The following IRAG2 variants were observed in gnomAD, a reference collection of about 807,000 sequenced individuals.
IRAG2 encodes inositol 1,4,5-triphosphate receptor associated 2, also known as lymphoid restricted membrane protein.
In IRAG2, 45 loss-of-function variants were observed where a neutral mutation model predicts 69.9. The observed-to-expected ratio is 0.64, with a 90% CI of 0.51 to 0.83. IRAG2 has a LOEUF of 0.83. Ranked by LOEUF, IRAG2 falls within the 40% of genes least tolerant of loss-of-function variation. The pLI, the probability that IRAG2 is intolerant of heterozygous loss-of-function variation, is 0.00. For synonymous variants in IRAG2, 193 were observed against 202.4 expected, an observed-to-expected ratio of 0.95 and a Z score of 0.40; for missense variants, 520 against 587.0, an observed-to-expected ratio of 0.89 and a Z score of 1.18.
chr12:25,096,038 AG>A (rs1355747110), intron 14 of IRAG2, among the ~76,000 whole-genome samples: 1 of 152,240 alleles, frequency 6.6e-6, no homozygotes, highest in African/African-American at 2.4e-5. Flanking sequence ...TCCTTCATTG[AG>A]CACCAAATGT....
At chr12:25,077,011 AATCG>A (rs2140076997) in intron 6 of IRAG2, among the ~76,000 whole-genome samples, 1 of 150,742 alleles carries the variant, frequency 6.6e-6, no homozygotes, top group East Asian at 2.0e-4. Flanking sequence ...AAGTAGCTGC[AATCG>A]CAGGTGTACA....
intron 12 of IRAG2, among the ~76,000 whole-genome samples, chr12:25,033,464 C>T (rs942590395): frequency 4.6e-5 from 7 of 152,270 alleles, no homozygotes; most frequent in Admixed American, 3.3e-4. Context: ...AGTGCATTAC[C>T]GATATAAAGG....
upstream of IRAG2, among the ~76,000 whole-genome samples, chr12:24,999,925 C>A (rs699034): frequency 0.012 from 1,781 of 152,170 alleles, 39 homozygotes; most frequent in African/African-American, 0.041. Context: ...GGCATACTTA[C>A]ACTAAAAAAT....
chr12:24,999,818 T>TA (rs11403723), upstream of IRAG2, among the ~76,000 whole-genome samples: 45,568 of 141,898 alleles, frequency 0.32, 7,643 homozygotes, highest in Admixed American at 0.49. Context: ...CAGATTTAGC[T>TA]AAAAAAAAAA....
chr12:25,104,340 G>T (rs1159792496), intron 19 of IRAG2, 21 bp from the exon 20 acceptor site: 1 of 1,455,556 alleles, frequency 6.9e-7, no homozygotes, highest in Non-Finnish European at 9.7e-7. Context: ...TTGACAAGTG[G>T]CTATAATCAT....
upstream of IRAG2, among the ~76,000 whole-genome samples, chr12:25,003,676 A>G (rs181925922): frequency 5.3e-4 from 80 of 152,254 alleles, no homozygotes; most frequent in Non-Finnish European, 1.3e-4. Flanking sequence ...AATCTTAGAG[A>G]TGGGACCATT....
chr12:25,032,980 G>A (rs1944680237), intron 12 of IRAG2, among the ~76,000 whole-genome samples: 1 of 149,950 alleles, frequency 6.7e-6, no homozygotes, highest in African/African-American at 2.5e-5. Context: ...TTTTGGAGGT[G>A]GAGTCTTGCT....
chr12:25,048,399 C>T (rs1007909612), upstream of IRAG2, among the ~76,000 whole-genome samples: 6 of 152,032 alleles, frequency 3.9e-5, no homozygotes, highest in African/African-American at 7.2e-5. Flanking sequence ...CAGGTTCAAG[C>T]GATTCCTCTG....
chr12:25,030,299 A>T, exon 10 of IRAG2: 1 of 1,231,730 alleles, frequency 8.1e-7, no homozygotes, highest in Non-Finnish European at 1.0e-6. Flanking sequence ...CACATATGAG[A>T]ACACTTTGCT....
intron 3 of IRAG2, among the ~76,000 whole-genome samples, chr12:25,012,085 C>G (rs1170272806): frequency 6.7e-6 from 1 of 149,662 alleles, no homozygotes; most frequent in Admixed American, 6.7e-5. Flanking sequence ...ACCCCATGAT[C>G]TCAGGTGCCC....
chr12:25,052,518 G>T (rs190594410), upstream of IRAG2: 58 of 397,064 alleles, frequency 1.5e-4, no homozygotes, highest in East Asian at 2.0e-3. Flanking sequence ...AAGTAAAGGG[G>T]GAGTTGTAAG....
the IRAG2 span, among the ~76,000 whole-genome samples, chr12:24,997,977 C>A: frequency 6.6e-6 from 1 of 152,160 alleles, no homozygotes; most frequent in African/African-American, 2.4e-5. Context: ...ATTAATCCTG[C>A]CATTTTCAGG....
intron 6 of IRAG2, among the ~76,000 whole-genome samples, chr12:25,078,248 C>G (rs1373475173): frequency 6.6e-6 from 1 of 152,182 alleles, no homozygotes; most frequent in East Asian, 1.9e-4. Context: ...CATATATAAG[C>G]TACTATCATT....
chr12:25,104,228 G>A (rs1025102480), intron 19 of IRAG2, 133 bp from the exon 20 acceptor site: 1 of 826,898 alleles, frequency 1.2e-6, no homozygotes, highest in African/African-American at 1.9e-5. Context: ...CATAAAGTAG[G>A]AGATCTGTGA....
rs554039627 is a variant in IRAG2 at position 25,057,929 on chromosome 12, T to C, written c.-446-3663T>C. Among the ~76,000 whole-genome samples the C allele has an allele frequency of 2.5e-4, 38 of 152,362 alleles. No homozygotes were observed. The South Asian group carries it at 4.1e-3, about 17-fold the overall frequency. ...GGGATTATGTTGTGTTTCTTAGTAG[T>C]AGTTTTTTATTATTGAGTTGTATTT... On this transcript the variant is annotated intron_variant, in intron 1 of 21. Coordinates refer to ENST00000556887, the MANE Select transcript of IRAG2 (RefSeq NM_001366544.2).
chr12:25,007,614 C>T (rs1037174250), intron 2 of IRAG2, among the ~76,000 whole-genome samples: 3 of 152,240 alleles, frequency 2.0e-5, no homozygotes, highest in East Asian at 1.9e-4. Context: ...CTCTGCCACC[C>T]GGGTTCAAGT....
At chr12:25,018,097 G>A (rs1358673446) in intron 6 of IRAG2, among the ~76,000 whole-genome samples, 1 of 151,930 alleles carries the variant, frequency 6.6e-6, no homozygotes, top group Non-Finnish European at 1.5e-5. Context: ...TCAGATGATG[G>A]ACATTTGGAG....
chr12:25,040,893 A>G (rs963737413), intron 16 of IRAG2, among the ~76,000 whole-genome samples: 1 of 152,236 alleles, frequency 6.6e-6, no homozygotes, highest in South Asian at 2.1e-4. Flanking sequence ...TATGAAACTA[A>G]CATCTAGTAA....
chr12:25,055,646 C>G (rs776922986), intron 1 of IRAG2, among the ~76,000 whole-genome samples: 3 of 152,128 alleles, frequency 2.0e-5, no homozygotes, highest in Non-Finnish European at 2.9e-5. Context: ...TGATGTTCCC[C>G]GTCCTGTGTC....
Sources: gnomAD v4.1 joint callset for allele counts (sites outside exome capture counted in the v4.1 genomes callset) on GRCh38, gnomAD v4.1.1 for gene constraint, MANE v1.5 for transcripts, NCBI Gene and HGNC (gene_info 2026-07-23, HGNC 2026-07-21) for gene names.